NLGN1: variants seen among roughly 807,000 people sequenced by gnomAD.
The protein encoded by NLGN1 is neuroligin 1.
NLGN1 carries 12 observed loss-of-function variants against 65.5 expected under a neutral mutation model. The observed-to-expected ratio is 0.18, with a 90% confidence interval of 0.12 to 0.30. The LOEUF (loss-of-function observed/expected upper bound fraction) is 0.30, where lower values mean the gene tolerates loss of function less well. Ranked by LOEUF, NLGN1 falls within the 10% of genes least tolerant of loss-of-function variation. The pLI is 1.00. For synonymous variants in NLGN1, 350 were observed against 359.5 expected, an observed-to-expected ratio of 0.97 and a Z score of 0.30; for missense variants, 750 against 1,007.1, an observed-to-expected ratio of 0.74 and a Z score of 3.46.
chr3:173,974,792 C>T (rs1717058843), intron 4 of NLGN1, among the ~76,000 whole-genome samples: 1 of 151,986 alleles, frequency 6.6e-6, no homozygotes, highest in Non-Finnish European at 1.5e-5. Flanking sequence ...TCAGTCCTAG[C>T]ATATAGTCTT....
chr3:173,461,852 ACTTAGTAG>A (rs1438949605), intron 2 of NLGN1, among the ~76,000 whole-genome samples: 5 of 152,066 alleles, frequency 3.3e-5, no homozygotes, highest in Non-Finnish European at 7.4e-5. Flanking sequence ...ATGTCTTACT[ACTTAGTAG>A]CTGTGACAGT....
At chr3:173,452,032 T>C (rs1721648668) in intron 2 of NLGN1, among the ~76,000 whole-genome samples, 1 of 152,196 alleles carries the variant, frequency 6.6e-6, no homozygotes, top group Admixed American at 6.5e-5. Flanking sequence ...CTCGCCCTGC[T>C]TCGGCTCACG....
intron 2 of NLGN1, among the ~76,000 whole-genome samples, chr3:173,584,053 T>C (rs1019617242): frequency 1.3e-5 from 2 of 149,960 alleles, no homozygotes; most frequent in African/African-American, 5.0e-5. Context: ...CTAACTGCCA[T>C]TGGGGAAATT....
At chr3:173,915,231 A>T (rs1740491601) in intron 4 of NLGN1, among the ~76,000 whole-genome samples, 1 of 152,200 alleles carries the variant, frequency 6.6e-6, no homozygotes, top group African/African-American at 2.4e-5. Context: ...ATTTTGTAAG[A>T]ACACATGAAC....
At chr3:173,513,842 A>G (rs1356844415) in intron 2 of NLGN1, among the ~76,000 whole-genome samples, 1 of 152,020 alleles carries the variant, frequency 6.6e-6, no homozygotes, top group Non-Finnish European at 1.5e-5. Context: ...CCTGGCCAAC[A>G]TGGTGAAACC....
At chr3:173,948,975 T>C (rs1192859284) in intron 4 of NLGN1, among the ~76,000 whole-genome samples, 1 of 151,970 alleles carries the variant, frequency 6.6e-6, no homozygotes, top group Non-Finnish European at 1.5e-5. Flanking sequence ...AAAATAATAT[T>C]TTATATCCTC....
intron 4 of NLGN1, among the ~76,000 whole-genome samples, chr3:174,100,775 G>A (rs550635958): frequency 6.6e-6 from 1 of 151,828 alleles, no homozygotes; most frequent in Non-Finnish European, 1.5e-5. Context: ...TCTTCATAAG[G>A]GGTAAGAAAG....
At chr3:173,471,513 C>T (rs1024996335) in intron 2 of NLGN1, among the ~76,000 whole-genome samples, 14 of 151,986 alleles carry the variant, frequency 9.2e-5, no homozygotes, top group Admixed American at 4.6e-4. Context: ...ATAAGAATGT[C>T]GGCCATATTG....
chr3:173,586,315 T>G (rs1346612659), intron 2 of NLGN1, among the ~76,000 whole-genome samples: 2 of 152,242 alleles, frequency 1.3e-5, no homozygotes, highest in Non-Finnish European at 2.9e-5. Context: ...GATACCTTTG[T>G]GGTTTTACCA....
chr3:174,048,255 G>A (rs1392494577), intron 4 of NLGN1, among the ~76,000 whole-genome samples: 2 of 152,082 alleles, frequency 1.3e-5, no homozygotes, highest in African/African-American at 4.8e-5. Flanking sequence ...GGAGATAGTC[G>A]TGATGTGTAA....
rs373763421 is a variant in NLGN1 at position 174,066,516 on chromosome 3, GTCTCTCTCTCTCTCTC to G, written c.647-208765_647-208750del. Among the ~76,000 whole-genome samples, 794 of 67,034 alleles carry G rather than the reference GTCTCTCTCTCTCTCTC, an allele frequency of 0.012. 38 individuals carry two copies. In the Admixed American group the frequency reaches 0.12, roughly 10 times the overall value. 44.0% of individuals were successfully genotyped at this position (67,034 alleles called of 152,430 possible). ...AGTTTTTAAATAGATTATGGAACAA[GTCTCTCTCTCTCTCTC>G]TCTCTCTCTCTCTCTCTCTCTCTCT... On this transcript the variant is annotated intron_variant, in intron 4 of 6. Transcript: ENST00000457714.
At chr3:174,209,140 T>C (rs1402127951) in intron 4 of NLGN1, among the ~76,000 whole-genome samples, 1 of 152,130 alleles carries the variant, frequency 6.6e-6, no homozygotes, top group Non-Finnish European at 1.5e-5. Context: ...CCCAGGCTGG[T>C]CTCAAACTGC....
At chr3:173,518,060 G>A (rs1734138747) in intron 2 of NLGN1, among the ~76,000 whole-genome samples, 1 of 152,122 alleles carries the variant, frequency 6.6e-6, no homozygotes, top group African/African-American at 2.4e-5. Context: ...AATTTTGAAA[G>A]GTTTTACTAA....
chr3:173,696,277 T>C (rs1290517168), intron 3 of NLGN1, among the ~76,000 whole-genome samples: 1 of 152,206 alleles, frequency 6.6e-6, no homozygotes, highest in Non-Finnish European at 1.5e-5. Flanking sequence ...ACATTCTCTT[T>C]TGATTTTTAT....
intron 3 of NLGN1, among the ~76,000 whole-genome samples, chr3:173,706,911 C>T (rs914226772): frequency 2.6e-5 from 4 of 152,176 alleles, no homozygotes; most frequent in African/African-American, 4.8e-5. Flanking sequence ...TTTTATTTTT[C>T]GATATTCAAC....
intron 2 of NLGN1, among the ~76,000 whole-genome samples, chr3:173,571,559 A>G (rs1185877167): frequency 6.6e-6 from 1 of 152,238 alleles, no homozygotes; most frequent in Admixed American, 6.5e-5. Flanking sequence ...ATTTATCAGA[A>G]TGAATTTTAT....
intron 2 of NLGN1, among the ~76,000 whole-genome samples, chr3:173,549,787 G>A (rs1740535906): frequency 1.3e-5 from 2 of 152,066 alleles, no homozygotes; most frequent in Admixed American, 1.3e-4. Flanking sequence ...TGAAGGACAA[G>A]CCAATCCTGT....
chr3:174,092,022 A>G (rs1478913567), intron 4 of NLGN1, among the ~76,000 whole-genome samples: 1 of 152,202 alleles, frequency 6.6e-6, no homozygotes, highest in East Asian at 1.9e-4. Flanking sequence ...ATATAAAGAT[A>G]AATATGTCCA....
intron 4 of NLGN1, among the ~76,000 whole-genome samples, chr3:173,959,077 G>A (rs12495620): frequency 0.12 from 18,608 of 152,274 alleles, 1,254 homozygotes; most frequent in East Asian, 0.2. Flanking sequence ...CCTCGAGAGT[G>A]CAGAGATGCC....
Sources: allele counts gnomAD v4.1 joint callset (sites outside exome capture counted in the v4.1 genomes callset), GRCh38; gene constraint gnomAD v4.1.1; transcripts MANE v1.5; gene names NCBI Gene and HGNC (gene_info 2026-07-23, HGNC 2026-07-21).